The following RAB38 variants were observed in gnomAD, a reference collection of about 807,000 sequenced individuals.
The protein encoded by RAB38 is ras-related protein Rab-38.
A neutral mutation model predicts 18.4 loss-of-function variants in RAB38; 15 were observed. The ratio of observed to expected loss-of-function variants is 0.82; its 90% confidence interval spans 0.55 to 1.26. The LOEUF is 1.26. Among genes scored for constraint, RAB38 ranks in the 50% most tolerant of loss-of-function variants. RAB38 has a pLI of 0.00. For missense variants in RAB38, 294 were observed against 267.4 expected, an observed-to-expected ratio of 1.10 and a Z score of -0.69; for synonymous variants, 101 against 104.4, an observed-to-expected ratio of 0.97 and a Z score of 0.20.
chr11:88,012,160 C>T, the RAB38 span, among the ~76,000 whole-genome samples: 67 of 152,124 alleles, frequency 4.4e-4, no homozygotes, highest in African/African-American at 1.5e-3. Flanking sequence ...AGAGTCATGG[C>T]ACCGGTGAGG....
At chr11:87,860,829 G>A in the RAB38 span, among the ~76,000 whole-genome samples, 1 of 151,794 alleles carries the variant, frequency 6.6e-6, no homozygotes, top group Admixed American at 6.6e-5. Context: ...TTTCCATAAT[G>A]AGTTGGAGAT....
the RAB38 span, among the ~76,000 whole-genome samples, chr11:87,944,813 T>G: frequency 6.6e-6 from 1 of 152,288 alleles, no homozygotes. Context: ...TCATCCCCTA[T>G]GCCTCAGGAC....
chr11:87,890,177 A>C, the RAB38 span, among the ~76,000 whole-genome samples: 2 of 151,882 alleles, frequency 1.3e-5, no homozygotes, highest in African/African-American at 4.8e-5. Flanking sequence ...AAAACTATAA[A>C]ATCTCACAAA....
At chr11:87,949,055 C>G in the RAB38 span, among the ~76,000 whole-genome samples, 12 of 152,126 alleles carry the variant, frequency 7.9e-5, no homozygotes, top group African/African-American at 2.7e-4. Flanking sequence ...TGATTATTAC[C>G]TCACTTTCAG....
the RAB38 span, among the ~76,000 whole-genome samples, chr11:88,003,853 AT>A: frequency 0.28 from 1,372 of 4,856 alleles, 457 homozygotes; most frequent in East Asian, 0.47. Flanking sequence ...TATATATATA[AT>A]TATATAAATA....
At chr11:87,937,848 GTTTGTA>G in the RAB38 span, among the ~76,000 whole-genome samples, 1 of 118,052 alleles carries the variant, frequency 8.5e-6, no homozygotes, top group Admixed American at 8.2e-5. Context: ...TTTCAGGTAT[GTTTGTA>G]ATTGCTCATT....
chr11:87,956,875 C>T, the RAB38 span, among the ~76,000 whole-genome samples: 1 of 151,968 alleles, frequency 6.6e-6, no homozygotes, highest in African/African-American at 2.4e-5. Flanking sequence ...GGTTCCCTCC[C>T]CCCACCTTCA....
intron 2 of RAB38, among the ~76,000 whole-genome samples, chr11:88,132,345 A>G (rs1942775630): frequency 6.6e-6 from 1 of 152,196 alleles, no homozygotes; most frequent in South Asian, 2.1e-4. Flanking sequence ...AGCCCTGGGT[A>G]CATACCTCAA....
chr11:88,137,296 A>C (rs1942848132), intron 2 of RAB38, among the ~76,000 whole-genome samples: 1 of 152,238 alleles, frequency 6.6e-6, no homozygotes, highest in African/African-American at 2.4e-5. Flanking sequence ...AGAAGAACAA[A>C]AGTAGACTGA....
chr11:88,101,314 C>A, the RAB38 span, among the ~76,000 whole-genome samples: 1 of 151,874 alleles, frequency 6.6e-6, no homozygotes, highest in East Asian at 1.9e-4. Context: ...GAATCTATTA[C>A]AAAGAATTAA....
chr11:88,084,495 C>T, the RAB38 span, among the ~76,000 whole-genome samples: 6 of 151,690 alleles, frequency 4.0e-5, no homozygotes, highest in East Asian at 1.9e-4. Flanking sequence ...ATTCAGAGAT[C>T]GATCAGAAAA....
At chr11:88,141,524 T>G (rs186973226) in intron 2 of RAB38, among the ~76,000 whole-genome samples, 1 of 152,340 alleles carries the variant, frequency 6.6e-6, no homozygotes, top group East Asian at 1.9e-4. Flanking sequence ...TAAGAGTTGT[T>G]ATTTAGTTGG....
At chr11:87,942,107 T>C in the RAB38 span, among the ~76,000 whole-genome samples, 1 of 152,208 alleles carries the variant, frequency 6.6e-6, no homozygotes, top group South Asian at 2.1e-4. Context: ...ATAAATGATC[T>C]CTTCATTTTC....
the RAB38 span, among the ~76,000 whole-genome samples, chr11:87,907,567 T>G: frequency 6.6e-6 from 1 of 151,720 alleles, no homozygotes; most frequent in Non-Finnish European, 1.5e-5. Context: ...CCATCATAGT[T>G]TTTACTTTTT....
the RAB38 span, among the ~76,000 whole-genome samples, chr11:87,977,645 A>C: frequency 8.4e-6 from 1 of 118,674 alleles, no homozygotes; most frequent in African/African-American, 3.3e-5. Flanking sequence ...ATAATTATAT[A>C]AATTATACAG....
the RAB38 span, among the ~76,000 whole-genome samples, chr11:87,946,698 T>C: frequency 0.32 from 48,805 of 151,964 alleles, 8,574 homozygotes; most frequent in African/African-American, 0.46. Context: ...GTTTCATCCA[T>C]GTCCCTACAA....
the RAB38 span, among the ~76,000 whole-genome samples, chr11:87,846,912 G>A: frequency 1.3e-5 from 2 of 151,950 alleles, no homozygotes; most frequent in Non-Finnish European, 2.9e-5. Flanking sequence ...AATAAAAATT[G>A]TACACATAAA....
At chr11:88,154,873 C>T (rs1943106236) in intron 1 of RAB38, among the ~76,000 whole-genome samples, 1 of 152,184 alleles carries the variant, frequency 6.6e-6, no homozygotes. Flanking sequence ...TGCTCCATGC[C>T]CAGGCAAATA....
At chr11:87,933,010 C>G in the RAB38 span, among the ~76,000 whole-genome samples, 2 of 152,158 alleles carry the variant, frequency 1.3e-5, no homozygotes, top group African/African-American at 4.8e-5. Flanking sequence ...TATCAATGAC[C>G]TTAAAAAGAC....
Sources: allele counts gnomAD v4.1 joint callset (sites outside exome capture counted in the v4.1 genomes callset), GRCh38; gene constraint gnomAD v4.1.1; transcripts MANE v1.5; gene names NCBI Gene and HGNC (gene_info 2026-07-23, HGNC 2026-07-21).